The following GPC5 variants were observed in gnomAD, a reference collection of about 807,000 sequenced individuals.
GPC5 encodes glypican-5.
Under a neutral mutation model 53.9 loss-of-function variants are expected in GPC5, and 47 were observed. The observed-to-expected ratio is 0.87, with a 90% CI of 0.69 to 1.11. The LOEUF is 1.11. Among genes scored for constraint, GPC5 ranks in the 50% most tolerant of loss-of-function variants. GPC5 has a pLI of 0.00. For synonymous variants in GPC5, 286 were observed against 263.3 expected, an observed-to-expected ratio of 1.09 and a Z score of -0.84; for missense variants, 748 against 713.1, an observed-to-expected ratio of 1.05 and a Z score of -0.56.
chr13:91,786,628 T>A (rs2037883947), intron 5 of GPC5, among the ~76,000 whole-genome samples: 1 of 152,204 alleles, frequency 6.6e-6, no homozygotes. Context: ...ATTTTTACCA[T>A]ACCAATGGTC....
At chr13:92,301,098 C>T (rs71427554) in intron 7 of GPC5, among the ~76,000 whole-genome samples, 1,540 of 152,256 alleles carry the variant, frequency 0.01, 27 homozygotes, top group Middle Eastern at 0.048. Flanking sequence ...AACATAACAT[C>T]AATGAAATAA....
chr13:91,645,016 T>A lies in GPC5; in HGVS notation c.326-48171T>A, dbSNP rs377602305. Reference sequence around the variant, plus strand: ...CAGGTTTTGTGCTCATAAAGCTGTGTGTTTATATGTTGAAATATGGCTGAA... The same window carrying A: ...CAGGTTTTGTGCTCATAAAGCTGTGAGTTTATATGTTGAAATATGGCTGAA... On this transcript the variant is annotated intron_variant, in intron 2 of 7. Transcript: ENST00000377067. Among the ~76,000 whole-genome samples, 164 of 152,362 alleles carry A rather than the reference T, an allele frequency of 1.1e-3. 4 individuals carry two copies. The South Asian group carries it at 0.033, about 30-fold the overall frequency.
intron 6 of GPC5, among the ~76,000 whole-genome samples, chr13:91,992,749 C>A (rs1276303981): frequency 2.0e-5 from 3 of 152,118 alleles, no homozygotes; most frequent in Non-Finnish European, 4.4e-5. Flanking sequence ...AGCCACCATG[C>A]CTGGCTAAAG....
intron 7 of GPC5, among the ~76,000 whole-genome samples, chr13:92,522,521 A>G (rs1268625294): frequency 6.6e-6 from 1 of 152,150 alleles, no homozygotes; most frequent in Non-Finnish European, 1.5e-5. Context: ...TGCAAGAACA[A>G]AAAAACAAAC....
At chr13:92,331,453 AAAAT>A (rs1280943305) in intron 7 of GPC5, among the ~76,000 whole-genome samples, 30 of 152,318 alleles carry the variant, frequency 2.0e-4, no homozygotes, top group Admixed American at 7.2e-4. Context: ...ACTAAATTGA[AAAAT>A]AAATAGTTTT....
At chr13:92,114,299 GCACA>G (rs548094859) in intron 6 of GPC5, among the ~76,000 whole-genome samples, 1 of 151,816 alleles carries the variant, frequency 6.6e-6, no homozygotes, top group Non-Finnish European at 1.5e-5. Flanking sequence ...GCATGAGTGT[GCACA>G]CACACAGGCA....
intron 1 of GPC5, among the ~76,000 whole-genome samples, chr13:91,439,783 C>T (rs971180278): frequency 6.6e-6 from 1 of 152,130 alleles, no homozygotes; most frequent in Non-Finnish European, 1.5e-5. Context: ...TCTAACTTGC[C>T]CCCTTCTTAC....
intron 5 of GPC5, among the ~76,000 whole-genome samples, chr13:91,866,730 G>T (rs942285568): frequency 2.2e-4 from 34 of 152,258 alleles, no homozygotes; most frequent in African/African-American, 8.2e-4. Context: ...GACTAATATA[G>T]TCAGTTTTGA....
Position 92,126,093 on chromosome 13 carries a change from T to C in GPC5, c.1402-18737T>C, listed in dbSNP as rs1179322958. ...CCTCAGCCTCCTGAGTAGCTGGGATTATAGGCACGTGCCACCACACCCAGC... is the reference window on the plus strand; with the variant it reads ...CCTCAGCCTCCTGAGTAGCTGGGATCATAGGCACGTGCCACCACACCCAGC... On this transcript the variant is annotated intron_variant, in intron 6 of 7. Transcript: ENST00000377067. Among the ~76,000 whole-genome samples, 4 of 151,840 alleles carry C rather than the reference T, an allele frequency of 2.6e-5. No individual in the cohort carries two copies. In the East Asian group the frequency reaches 5.9e-4, roughly 22 times the overall value.
At chr13:92,527,605 A>G (rs893695145) in intron 7 of GPC5, among the ~76,000 whole-genome samples, 1 of 152,112 alleles carries the variant, frequency 6.6e-6, no homozygotes, top group Non-Finnish European at 1.5e-5. Context: ...AAGGAGGTGG[A>G]GATGGTTATT....
At chr13:92,748,392 G>A (rs1019060887) in intron 7 of GPC5, among the ~76,000 whole-genome samples, 2 of 151,036 alleles carry the variant, frequency 1.3e-5, no homozygotes, top group Admixed American at 1.3e-4. Flanking sequence ...GGAGTGCAGT[G>A]GCATGATCTC....
chr13:91,486,181 C>T (rs1317621864), intron 2 of GPC5: 1 of 152,222 alleles, frequency 6.6e-6, no homozygotes, highest in Non-Finnish European at 1.5e-5. Flanking sequence ...GTAACCAAGA[C>T]TCTAACCCTA....
intron 6 of GPC5, among the ~76,000 whole-genome samples, chr13:91,926,333 G>T (rs1594668074): frequency 6.7e-6 from 1 of 148,366 alleles, no homozygotes; most frequent in Non-Finnish European, 1.5e-5. Context: ...TGTACTCCAG[G>T]CTGGGTGACA....
chr13:92,014,987 A>C (rs2040694449), intron 6 of GPC5, among the ~76,000 whole-genome samples: 1 of 152,114 alleles, frequency 6.6e-6, no homozygotes. Flanking sequence ...CAAGGGATCT[A>C]GTGTCAGTCA....
intron 2 of GPC5, among the ~76,000 whole-genome samples, chr13:91,662,438 TAGAGAATTGGAA>T (rs754709846): frequency 9.9e-5 from 15 of 152,142 alleles, no homozygotes; most frequent in Admixed American, 4.6e-4. Context: ...GTCAGTTTTA[TAGAGAATTGGAA>T]AGAGAATTGG....
chr13:92,689,931 G>T (rs1887339425), intron 7 of GPC5, among the ~76,000 whole-genome samples: 1 of 3,692 alleles, frequency 2.7e-4, no homozygotes, highest in Non-Finnish European at 4.0e-4. Flanking sequence ...TCTGCCGAGA[G>T]ATCCGCTGTT....
chr13:92,455,609 G>GA, intron 7 of GPC5, among the ~76,000 whole-genome samples: 1 of 152,190 alleles, frequency 6.6e-6, no homozygotes, highest in Middle Eastern at 3.4e-3. Flanking sequence ...TCATAGGTAT[G>GA]AAAAAACAAT....
At chr13:91,849,673 G>A (rs1194134826) in intron 5 of GPC5, among the ~76,000 whole-genome samples, 1 of 152,138 alleles carries the variant, frequency 6.6e-6, no homozygotes, top group South Asian at 2.1e-4. Context: ...GTTTCTGATA[G>A]AATTTCAGGT....
intron 7 of GPC5, among the ~76,000 whole-genome samples, chr13:92,838,317 T>C (rs528506942): frequency 4.2e-4 from 64 of 151,684 alleles, no homozygotes; most frequent in African/African-American, 1.5e-3. Flanking sequence ...ACCCCGTCTC[T>C]ACTAAAAATA....
Sources: gnomAD v4.1 joint callset for allele counts (sites outside exome capture counted in the v4.1 genomes callset) on GRCh38, gnomAD v4.1.1 for gene constraint, MANE v1.5 for transcripts, NCBI Gene and HGNC (gene_info 2026-07-23, HGNC 2026-07-21) for gene names.